The following ST8SIA2 variants were observed in gnomAD, a reference collection of about 807,000 sequenced individuals.
ST8SIA2 encodes the protein ST8 alpha-N-acetyl-neuraminide alpha-2,8-sialyltransferase 2.
In ST8SIA2, 22 loss-of-function variants were observed where a neutral mutation model predicts 37.6. The observed-to-expected ratio is 0.58, with a 90% confidence interval of 0.42 to 0.83. ST8SIA2 has a LOEUF of 0.83. Ranked by LOEUF, ST8SIA2 falls within the 40% of genes least tolerant of loss-of-function variation. The pLI, the probability that ST8SIA2 is intolerant of heterozygous loss-of-function variation, is 0.00. For synonymous variants in ST8SIA2, 205 were observed against 201.2 expected (o/e 1.02, Z -0.16); for missense variants, 382 against 484.7 (o/e 0.79, Z 1.99).
chr15:92,463,162 C>G (rs1313576732), intron 5 of ST8SIA2, among the ~76,000 whole-genome samples: 1 of 152,246 alleles, frequency 6.6e-6, no homozygotes, highest in Middle Eastern at 3.2e-3. Flanking sequence ...GTTTCTTAGT[C>G]TGTGGAATGC....
intron 5 of ST8SIA2, among the ~76,000 whole-genome samples, chr15:92,459,142 A>G (rs1342024291): frequency 1.3e-5 from 2 of 152,166 alleles, no homozygotes; most frequent in East Asian, 3.9e-4. Flanking sequence ...TTCTGGTCAT[A>G]ACATTGATGG....
chr15:92,435,736 C>A (rs985116529), intron 3 of ST8SIA2, among the ~76,000 whole-genome samples: 1 of 152,132 alleles, frequency 6.6e-6, no homozygotes, highest in Non-Finnish European at 1.5e-5. Flanking sequence ...TCCTTACTTA[C>A]CGCCTCTTCA....
rs909159123 is a variant in ST8SIA2, at chr15:92,396,428, T to C, written c.98+2266T>C. Among the ~76,000 whole-genome samples the C allele has an allele frequency of 5.9e-5, 9 of 152,154 alleles. No homozygotes were observed. In the South Asian group the frequency reaches 1.7e-3, roughly 28 times the overall value. On this transcript the variant is annotated intron_variant, in intron 1 of 5. Transcript: ENST00000268164. ...ATGGGAATCCCAACAGCACCTTCTG[T>C]CTGCTTACAAGTGAGGGGTTTCTTT...
intron 4 of ST8SIA2, among the ~76,000 whole-genome samples, chr15:92,441,533 G>GTA (rs2049801685): frequency 1.3e-5 from 2 of 151,374 alleles, no homozygotes. Context: ...TGTGTGCAGA[G>GTA]TATAAGTTCC....
intron 1 of ST8SIA2, among the ~76,000 whole-genome samples, chr15:92,426,218 A>C (rs545947922): frequency 3.7e-4 from 57 of 152,290 alleles, no homozygotes; most frequent in African/African-American, 1.3e-3. Context: ...GGCAAATGCT[A>C]TAATAGAATT....
intron 5 of ST8SIA2, among the ~76,000 whole-genome samples, chr15:92,461,554 C>G (rs1375729003): frequency 6.6e-6 from 1 of 152,222 alleles, no homozygotes; most frequent in African/African-American, 2.4e-5. Flanking sequence ...CTTAGCACAG[C>G]TCAGAGATGG....
chr15:92,442,229 A>G (rs981891413), intron 4 of ST8SIA2, among the ~76,000 whole-genome samples: 1 of 152,144 alleles, frequency 6.6e-6, no homozygotes, highest in South Asian at 2.1e-4. Context: ...TTCACAGCCC[A>G]TCCCTGCCTG....
At position 92,423,940 on chromosome 15, in the gene ST8SIA2, T is replaced by G. The variant is rs559789463; in HGVS notation, c.99-6109T>G. Among the ~76,000 whole-genome samples the G allele has an allele frequency of 5.3e-5, 8 of 152,352 alleles. No homozygotes were observed. In the South Asian group the frequency reaches 1.7e-3, roughly 32 times the overall value. ...CCACTGTTGACAGCCCTGGTTGTAG[T>G]CATGTGACTGACCCCAAGTCATCCT... On this transcript the variant is annotated intron_variant, in intron 1 of 5. Coordinates refer to ENST00000268164, the MANE Select transcript of ST8SIA2 (RefSeq NM_006011.4).
intron 4 of ST8SIA2, 141 bp from the exon 5 acceptor site, chr15:92,444,495 G>C (rs1282203928): frequency 3.2e-6 from 3 of 945,786 alleles, no homozygotes; most frequent in East Asian, 5.1e-5. Flanking sequence ...GATGGGAGGG[G>C]CCTGTGAGTG....
chr15:92,438,409 C>A lies in ST8SIA2; in HGVS notation c.347C>A (p.Thr116Asn). ...AAGGACATTTCTGTCCTAAAGGGAA[C>A]CCTGAAGCCTGGAGATATTATTCAT... ...AEKDISVLKG[T>N]LKPGDIIHYI... The change falls in exon 4 of 6, where the codon ACC becomes AAC. Residue 116 changes from threonine (T) to asparagine (N), a missense_variant. Coordinates refer to ENST00000268164, the MANE Select transcript of ST8SIA2 (RefSeq NM_006011.4). The A allele has an allele frequency of 6.2e-7, 1 of 1,614,228 alleles. No individual in the cohort carries two copies. The highest frequency in any genetic ancestry group is 2.2e-5 in the East Asian group (1 of 44,880).
Position 92,419,951 on chromosome 15 carries a change from C to T in ST8SIA2, c.99-10098C>T, listed in dbSNP as rs569414812. Among the ~76,000 whole-genome samples the T allele has an allele frequency of 2.1e-3, 321 of 152,298 alleles. 1 individual carries two copies. Among genetic ancestry groups the T allele is most frequent in the Non-Finnish European group, 3.9e-3 (265 of 68,030 alleles). ...CGCGATCTCGGCTCACTGCAACCTC[C>T]GCCTCCTGAGTTCAAGCGATTCTCC... On this transcript the variant is annotated intron_variant, in intron 1 of 5. Transcript: ENST00000268164.
chr15:92,407,067 T>G (rs1342469727), intron 1 of ST8SIA2, among the ~76,000 whole-genome samples: 1 of 151,090 alleles, frequency 6.6e-6, no homozygotes, highest in Non-Finnish European at 1.5e-5. Flanking sequence ...TTACAGCCAC[T>G]GGTTGGATTC....
chr15:92,411,718 T>C (rs901840951), intron 1 of ST8SIA2, among the ~76,000 whole-genome samples: 5 of 152,118 alleles, frequency 3.3e-5, no homozygotes, highest in African/African-American at 1.2e-4. Flanking sequence ...TTGTCCACAG[T>C]CACCTCAATG....
chr15:92,395,481 G>T (rs2049424236), intron 1 of ST8SIA2, among the ~76,000 whole-genome samples: 1 of 152,024 alleles, frequency 6.6e-6, no homozygotes, highest in African/African-American at 2.4e-5. Context: ...CATCTCCCTG[G>T]AATTCCTTCT....
intron 5 of ST8SIA2, chr15:92,445,131 A>G (rs2049832865): frequency 1.6e-5 from 11 of 707,730 alleles, no homozygotes; most frequent in Non-Finnish European, 2.6e-5. Flanking sequence ...CTGGCATGCC[A>G]ATTTTGACCA....
At chr15:92,424,574 G>C (rs1355004711) in intron 1 of ST8SIA2, among the ~76,000 whole-genome samples, 2 of 151,492 alleles carry the variant, frequency 1.3e-5, no homozygotes, top group African/African-American at 4.9e-5. Flanking sequence ...ATTCTACTAG[G>C]AGAGAATATA....
rs781376748 is a variant in ST8SIA2, at chr15:92,438,404, G to A, written c.342G>A (p.Lys114=). ...CTGAAAAGGACATTTCTGTCCTAAA[G>A]GGAACCCTGAAGCCTGGAGATATTA... ...LDAEKDISVL[K]GTLKPGDIIH... Residue 114 remains lysine, a synonymous_variant, in exon 4 of 6, where the codon AAG becomes AAA. Coordinates refer to ENST00000268164, the MANE Select transcript of ST8SIA2 (RefSeq NM_006011.4). 1.2e-6 allele frequency: 2 copies of A among 1,614,248 alleles called. No homozygotes were observed. The highest frequency in any genetic ancestry group is 1.1e-5 in the South Asian group (1 of 91,082).
chr15:92,459,334 A>G (rs994480680), intron 5 of ST8SIA2, among the ~76,000 whole-genome samples: 5 of 152,200 alleles, frequency 3.3e-5, no homozygotes, highest in Admixed American at 2.6e-4. Context: ...ACGTCAGCCC[A>G]CAGCTGCAGC....
chr15:92,429,755 C>T (rs1232673540), intron 1 of ST8SIA2, among the ~76,000 whole-genome samples: 1 of 152,192 alleles, frequency 6.6e-6, no homozygotes, highest in Non-Finnish European at 1.5e-5. Context: ...GACTAATCCC[C>T]AGGGAGTTTA....
Sources: allele counts gnomAD v4.1 joint callset (sites outside exome capture counted in the v4.1 genomes callset), GRCh38; gene constraint gnomAD v4.1.1; transcripts MANE v1.5; gene names NCBI Gene and HGNC (gene_info 2026-07-23, HGNC 2026-07-21).